Variants in EXT2 observed in about 807,000 individuals in gnomAD.
EXT2 encodes exostosin glycosyltransferase 2.
A neutral mutation model predicts 81.6 loss-of-function variants in EXT2; 53 were observed. That is an observed-to-expected ratio of 0.65 (90% CI 0.52 to 0.82). The LOEUF is 0.82. EXT2 is among the 40% of genes least tolerant of loss of function. The pLI is 0.00. For missense variants in EXT2, 774 were observed against 910.2 expected (o/e 0.85, Z 1.93); for synonymous variants, 320 against 340.0 (o/e 0.94, Z 0.65).
chr11:44,106,124 C>T (rs1432212602), intron 1 of EXT2, among the ~76,000 whole-genome samples: 1 of 152,338 alleles, frequency 6.6e-6, no homozygotes, highest in Non-Finnish European at 1.5e-5. Context: ...AACATCACTT[C>T]AGCCACATTT....
At chr11:44,218,446 A>G (rs749896749) in intron 10 of EXT2, among the ~76,000 whole-genome samples, 4 of 152,188 alleles carry the variant, frequency 2.6e-5, no homozygotes, top group South Asian at 2.1e-4. Flanking sequence ...TGAGAGGTCA[A>G]CTGAAAAGTT....
At chr11:44,218,793 CTT>C (rs11368525) in intron 10 of EXT2, among the ~76,000 whole-genome samples, 3 of 92,288 alleles carry the variant, frequency 3.3e-5, no homozygotes, top group Non-Finnish European at 1.9e-5. Flanking sequence ...ATCTGCAATT[CTT>C]TTTTTTTTTT....
chr11:44,243,993 C>T (rs1423769962), intron 13 of EXT2, among the ~76,000 whole-genome samples, 156 bp from the exon 14 acceptor site: 2 of 152,194 alleles, frequency 1.3e-5, no homozygotes, highest in Admixed American at 1.3e-4. Flanking sequence ...AACCTGGGAG[C>T]AGACTGTGGC....
intron 8 of EXT2, among the ~76,000 whole-genome samples, chr11:44,182,843 C>A (rs972933656): frequency 6.6e-6 from 1 of 152,174 alleles, no homozygotes; most frequent in African/African-American, 2.4e-5. Flanking sequence ...CTAATAATGT[C>A]CATTAGAACA....
At chr11:44,154,619 C>T (rs745423099) in intron 7 of EXT2, among the ~76,000 whole-genome samples, 4 of 152,068 alleles carry the variant, frequency 2.6e-5, no homozygotes, top group South Asian at 2.1e-4. Flanking sequence ...GATACCTCTT[C>T]GATATACTGA....
chr11:44,237,642 A>T (rs763502016), intron 13 of EXT2, among the ~76,000 whole-genome samples: 1 of 152,116 alleles, frequency 6.6e-6, no homozygotes, highest in Non-Finnish European at 1.5e-5. Context: ...AAAATGGTGT[A>T]TCGGATATAT....
At chr11:44,117,124 C>G (rs914460508) in intron 4 of EXT2, among the ~76,000 whole-genome samples, 1 of 152,130 alleles carries the variant, frequency 6.6e-6, no homozygotes, top group Non-Finnish European at 1.5e-5. Context: ...CGTGTGCCAC[C>G]ACGCCCAGCT....
chr11:44,124,226 G>A (rs958625658), intron 4 of EXT2, among the ~76,000 whole-genome samples: 4 of 151,970 alleles, frequency 2.6e-5, no homozygotes, highest in African/African-American at 7.3e-5. Context: ...TTGATGATGG[G>A]GACTTTCCCT....
At chr11:44,211,957 G>T (rs552164840) in intron 10 of EXT2, among the ~76,000 whole-genome samples, 3 of 152,130 alleles carry the variant, frequency 2.0e-5, no homozygotes, top group Admixed American at 1.3e-4. Context: ...GGGAAAGGTA[G>T]ACTGAGCAAA....
chr11:44,231,524 C>T (rs1955898313), intron 10 of EXT2, among the ~76,000 whole-genome samples: 1 of 152,096 alleles, frequency 6.6e-6, no homozygotes, highest in Non-Finnish European at 1.5e-5. Flanking sequence ...GTGATTGAAA[C>T]TAGATGAGAC....
chr11:44,157,135 G>A (rs1214425185), intron 7 of EXT2, among the ~76,000 whole-genome samples: 1 of 152,218 alleles, frequency 6.6e-6, no homozygotes, highest in African/African-American at 2.4e-5. Context: ...GGGTGACACA[G>A]GCAGTCCTGT....
intron 1 of EXT2, among the ~76,000 whole-genome samples, chr11:44,105,895 A>G (rs1466530203): frequency 6.6e-6 from 1 of 152,216 alleles, no homozygotes; most frequent in Non-Finnish European, 1.5e-5. Context: ...AGCTTTAAAC[A>G]ACAACAGTCA....
At chr11:44,132,206 C>T (rs1423454506) in intron 7 of EXT2, among the ~76,000 whole-genome samples, 2 of 152,210 alleles carry the variant, frequency 1.3e-5, no homozygotes, top group African/African-American at 4.8e-5. Flanking sequence ...CCCCTCCACC[C>T]TGAAGCTGTG....
At chr11:44,182,567 A>G (rs1046046009) in intron 8 of EXT2, among the ~76,000 whole-genome samples, 20 of 152,138 alleles carry the variant, frequency 1.3e-4, no homozygotes, top group African/African-American at 4.8e-4. Context: ...CTTTACCCAG[A>G]TTTCTTAAAT....
At chr11:44,187,911 C>G (rs1182297086) in intron 8 of EXT2, among the ~76,000 whole-genome samples, 1 of 152,186 alleles carries the variant, frequency 6.6e-6, no homozygotes, top group African/African-American at 2.4e-5. Flanking sequence ...ATCATTCCAT[C>G]TATTATACTG....
In EXT2 at chr11:44,233,587, A is replaced by T. The variant is rs116002255; in HGVS notation, c.1807-528A>T. ...TCATAACTTGTCTGTTGTCAGCAGTAGCATAAAGAACTGATGTCGGGAGAA... is the reference window on the plus strand; with the variant it reads ...TCATAACTTGTCTGTTGTCAGCAGTTGCATAAAGAACTGATGTCGGGAGAA... On this transcript the variant is annotated intron_variant, in intron 11 of 13. Coordinates refer to ENST00000533608, the MANE Select transcript of EXT2 (RefSeq NM_207122.2). 2.7e-3 allele frequency among the ~76,000 whole-genome samples: 412 copies of T among 152,318 alleles called. 1 individual carries two copies. The highest frequency in any genetic ancestry group is 9.0e-3 in the African/African-American group (376 of 41,574).
At position 44,197,937 on chromosome 11, in the gene EXT2, G is replaced by T. The variant is rs1231957623; in HGVS notation, c.1414G>T (p.Val472Phe). The T allele has an allele frequency of 6.2e-7, 1 of 1,614,064 alleles. No homozygotes were observed. Among genetic ancestry groups the T allele is most frequent in the East Asian group, 2.2e-5 (1 of 44,884 alleles). The part of the protein sequence containing the change: ...TYDRVESLFR[V>F]ITEVSKVPSL... ...CGACCGAGTAGAGAGCCTCTTCCGG[G>T]TCATCACTGAAGTGTCCAAGGTGCC... The change falls in exon 9 of 14, where the codon GTC (valine) becomes TTC (phenylalanine). Residue 472 changes from valine (V) to phenylalanine (F), a missense_variant. By Grantham distance (50) the Val-to-Phe change is conservative. Coordinates refer to ENST00000533608, the MANE Select transcript of EXT2 (RefSeq NM_207122.2).
chr11:44,229,418 G>A (rs1564985346), intron 10 of EXT2, among the ~76,000 whole-genome samples: 1 of 152,224 alleles, frequency 6.6e-6, no homozygotes, highest in Non-Finnish European at 1.5e-5. Flanking sequence ...GATTAGCTCT[G>A]TTGGTTACAA....
intron 10 of EXT2, among the ~76,000 whole-genome samples, chr11:44,226,268 G>T (rs772309217): frequency 1.2e-4 from 18 of 152,200 alleles, no homozygotes; most frequent in Non-Finnish European, 2.5e-4. Flanking sequence ...CTTATTTTAA[G>T]CAAGCTCCTG....
Sources: gnomAD v4.1 joint callset for allele counts (sites outside exome capture counted in the v4.1 genomes callset) on GRCh38, gnomAD v4.1.1 for gene constraint, MANE v1.5 for transcripts, NCBI Gene and HGNC (gene_info 2026-07-23, HGNC 2026-07-21) for gene names.